The following STAT3 variants were observed in gnomAD, a reference collection of about 807,000 sequenced individuals.
STAT3 encodes DNA-binding protein APRF.
Under a neutral mutation model 114.3 loss-of-function variants are expected in STAT3, and 7 were observed. The ratio of observed to expected loss-of-function variants is 0.06; its 90% CI spans 0.03 to 0.11. The LOEUF is 0.11. Among genes scored for constraint, STAT3 ranks in the 10% least tolerant of loss-of-function variants. STAT3 has a pLI of 1.00. For missense variants in STAT3, 364 were observed against 960.9 expected (o/e 0.38, Z 8.21); for synonymous variants, 331 against 354.5 (o/e 0.93, Z 0.74).
At chr17:42,385,439 G>A (rs551315826) in intron 1 of STAT3, among the ~76,000 whole-genome samples, 49 of 151,490 alleles carry the variant, frequency 3.2e-4, no homozygotes, top group African/African-American at 1.2e-3. Flanking sequence ...AACCCGGGAG[G>A]AGGAGGTTGC....
intron 8 of STAT3, 150 bp from the exon 9 acceptor site, chr17:42,334,199 T>G (rs753627445): frequency 2.7e-4 from 251 of 938,326 alleles, no homozygotes; most frequent in Admixed American, 4.0e-4. Context: ...GCATGAAATT[T>G]ACAATTTTTC....
At chr17:42,322,722 T>A (rs1057192837) in intron 20 of STAT3, among the ~76,000 whole-genome samples, 2 of 152,196 alleles carry the variant, frequency 1.3e-5, no homozygotes, top group Non-Finnish European at 2.9e-5. Context: ...ATATAACTAC[T>A]TGCGTAAGAT....
chr17:42,346,399 G>A lies in STAT3; in HGVS notation c.273+170C>T, dbSNP rs966221964. On this transcript the variant is annotated intron_variant, in intron 3 of 23. Transcript: ENST00000264657. ...GTGATTCTCAGGTAATGATGCTCAC[G>A]GGTAAGTATACAGAGCTTTGAGAAA... Among the ~76,000 whole-genome samples, 5 of 152,110 alleles carry A rather than the reference G, an allele frequency of 3.3e-5. No individual in the cohort carries two copies. The East Asian group carries it at 9.6e-4, about 29-fold the overall frequency.
At chr17:42,316,195 GA>G (rs1007174718) in intron 23 of STAT3, 26 of 602,226 alleles carry the variant, frequency 4.3e-5, no homozygotes, top group East Asian at 6.7e-5. Context: ...GGCTTAGTAT[GA>G]AAAAAAAGAA....
chr17:42,337,743 G>T lies in STAT3; in HGVS notation c.645+20C>A. ...AGTGAGCGAGACACATGGGGGAAGTGGTCCGACCTATGCCCTTACTCTCCG... is the reference window on the plus strand; with the variant it reads ...AGTGAGCGAGACACATGGGGGAAGTTGTCCGACCTATGCCCTTACTCTCCG... On this transcript the variant is annotated intron_variant, in intron 7 of 23. Transcript: ENST00000264657. The surrounding 1 kb of genome is among the most constrained non-coding windows in gnomAD (Gnocchi z 4.0). The T allele has an allele frequency of 6.2e-7, 1 of 1,614,016 alleles. No individual in the cohort carries two copies.
At chr17:42,323,445 C>T in intron 18 of STAT3, 91 bp from the exon 19 acceptor site, 4 of 1,562,246 alleles carry the variant, frequency 2.6e-6, no homozygotes, top group Admixed American at 1.7e-5. Context: ...ATCCTCAGGC[C>T]CGTCTACCTT....
chr17:42,365,313 C>T (rs548634004), intron 1 of STAT3, among the ~76,000 whole-genome samples: 7 of 152,306 alleles, frequency 4.6e-5, no homozygotes, highest in South Asian at 4.1e-4. Context: ...TTTGAGTCAT[C>T]GCAGCCCAGA....
chr17:42,329,020 T>A (rs1050508274), intron 14 of STAT3, among the ~76,000 whole-genome samples: 1 of 152,096 alleles, frequency 6.6e-6, no homozygotes, highest in Admixed American at 6.6e-5. Context: ...ACACCCTCTA[T>A]CCCACCTCAG....
chr17:42,346,463 G>C lies in STAT3; in HGVS notation c.273+106C>G. On this transcript the variant is annotated intron_variant, in intron 3 of 23. Transcript: ENST00000264657. ...CTCCTGTGATTGAAAATACAAGATA[G>C]ATTCTCGTTACTTAGCCAAATGAGA... is the stretch of plus-strand genomic sequence containing the variant. The C allele has an allele frequency of 4.0e-6, 6 of 1,514,222 alleles. 1 individual carries two copies. The South Asian group carries it at 6.8e-5, about 17-fold the overall frequency. 93.8% of individuals were successfully genotyped at this position (1,514,222 alleles called of 1,614,324 possible). A position where few individuals can be genotyped will look rare whatever the true frequency, so the allele number is the denominator to read the frequency against.
In STAT3 at chr17:42,329,779, G is replaced by A; in HGVS notation, c.1110-3C>T. ...GAGCTGCAACGTCCCCAGAGTCTCTGTAAGAACACAGACTGTTGTTAATAA... is the reference window on the plus strand; with the variant it reads ...GAGCTGCAACGTCCCCAGAGTCTCTATAAGAACACAGACTGTTGTTAATAA... On this transcript the variant is annotated splice_polypyrimidine_tract_variant and splice_region_variant and intron_variant, in intron 11 of 23. Coordinates refer to ENST00000264657, the MANE Select transcript of STAT3 (RefSeq NM_139276.3). 3.7e-6 allele frequency: 6 copies of A among 1,614,150 alleles called. No individual in the cohort carries two copies. Among genetic ancestry groups the A allele is most frequent in the Non-Finnish European group, 4.2e-6 (5 of 1,180,010 alleles).
chr17:42,345,570 T>A lies in STAT3; in HGVS notation c.361A>T (p.Thr121Ser), dbSNP rs751614036. Reference protein sequence around the residue: ...EESRLLQTAATAAQQGGQANH... With the variant: ...EESRLLQTAASAAQQGGQANH... ...GTCTCAGGTCTCACCTGGGCCGCAG[T>A]GGCTGCAGTCTGTAGAAGGCGTGAT... Residue 121 changes from threonine to serine, a missense_variant, in exon 4 of 24, where the codon ACT becomes TCT. Transcript: ENST00000264657. 5 of 1,605,030 alleles carry A rather than the reference T, an allele frequency of 3.1e-6. No individual in the cohort carries two copies. The African/African-American group carries it at 6.7e-5, about 21-fold the overall frequency.
intron 8 of STAT3, among the ~76,000 whole-genome samples, chr17:42,335,876 A>G (rs2082210119): frequency 6.6e-6 from 1 of 152,110 alleles, no homozygotes; most frequent in Non-Finnish European, 1.5e-5. Flanking sequence ...AAAATTAAAA[A>G]AAGAGAGAAG....
rs1489037254 is a variant in STAT3, at chr17:42,333,797, C to A, written c.957-32G>T. ...AAAGAGAAGATGGGCTCACGCGCCA[C>A]GGCCATGACCAGAAGTCAGCCCGCC... On this transcript the variant is annotated intron_variant, in intron 9 of 23. Transcript: ENST00000264657. The surrounding 1 kb of genome is among the most constrained non-coding windows in gnomAD (Gnocchi z 5.2). 4 of 1,614,116 alleles carry A rather than the reference C, an allele frequency of 2.5e-6. No homozygotes were observed. The highest frequency in any genetic ancestry group is 1.7e-5 in the Admixed American group (1 of 60,026).
At chr17:42,369,656 GT>G (rs925717081) in intron 1 of STAT3, among the ~76,000 whole-genome samples, 3 of 151,424 alleles carry the variant, frequency 2.0e-5, no homozygotes, top group African/African-American at 7.3e-5. Context: ...TTTTTGTTTT[GT>G]TTTGTTTCTA....
intron 11 of STAT3, among the ~76,000 whole-genome samples, chr17:42,330,111 TTTTC>T (rs1282385349): frequency 1.3e-5 from 2 of 148,814 alleles, no homozygotes; most frequent in African/African-American, 2.6e-5. Flanking sequence ...GCATTTTATC[TTTTC>T]TTTTTTCTTT....
At chr17:42,339,245 G>C in intron 5 of STAT3, 69 bp downstream of exon 5, 1 of 1,466,356 alleles carries the variant, frequency 6.8e-7, no homozygotes, top group Non-Finnish European at 9.4e-7. Flanking sequence ...GGCAGAGCAA[G>C]ACCCTGTCTC....
chr17:42,369,359 A>AAAAC (rs367707477), intron 1 of STAT3, among the ~76,000 whole-genome samples: 102 of 152,176 alleles, frequency 6.7e-4, no homozygotes, highest in Admixed American at 1.3e-3. Context: ...CTCCATCTCA[A>AAAAC]AAACAAACAA....
intron 8 of STAT3, 112 bp from the exon 9 acceptor site, chr17:42,334,161 A>G: frequency 7.9e-7 from 1 of 1,258,406 alleles, no homozygotes; most frequent in Non-Finnish European, 1.1e-6. Flanking sequence ...AGAACAAGGA[A>G]TTTTTTTATT....
chr17:42,367,721 T>C (rs1192695925), intron 1 of STAT3, among the ~76,000 whole-genome samples: 2 of 152,210 alleles, frequency 1.3e-5, no homozygotes, highest in African/African-American at 2.4e-5. Flanking sequence ...TATTTCTTTT[T>C]TCATGTATCT....
Sources: allele counts gnomAD v4.1 joint callset (sites outside exome capture counted in the v4.1 genomes callset), GRCh38; gene constraint gnomAD v4.1.1; non-coding constraint Gnocchi (gnomAD v3.1); transcripts MANE v1.5; gene names NCBI Gene and HGNC (gene_info 2026-07-23, HGNC 2026-07-21).